Variants in IL1RAPL2 observed in about 807,000 individuals in gnomAD.
IL1RAPL2 encodes X-linked interleukin-1 receptor accessory protein-like 2.
Under a neutral mutation model 44.1 loss-of-function variants are expected in IL1RAPL2, and 3 were observed. The observed-to-expected ratio is 0.07, with a 90% CI of 0.03 to 0.18. IL1RAPL2 has a LOEUF of 0.18. Ranked by LOEUF, IL1RAPL2 falls within the 10% of genes least tolerant of loss-of-function variation. IL1RAPL2 has a pLI of 1.00. For missense variants in IL1RAPL2, 391 were observed against 496.4 expected (o/e 0.79, Z 2.02); for synonymous variants, 181 against 178.8 (o/e 1.01, Z -0.10).
chrX:105,321,159 A>G (rs1200353427), intron 5 of IL1RAPL2, among the ~76,000 whole-genome samples: 1 of 111,571 alleles, frequency 9.0e-6, no homozygotes, highest in Non-Finnish European at 1.9e-5. Context: ...GAAGAATCAG[A>G]GGTATACATT....
intron 2 of IL1RAPL2, among the ~76,000 whole-genome samples, chrX:104,817,743 T>C (rs2147621808): frequency 8.9e-6 from 1 of 111,940 alleles, no homozygotes; most frequent in South Asian, 3.8e-4. Flanking sequence ...AAAGCCTTGG[T>C]ATGAAGATTA....
At chrX:104,592,888 T>C (rs1473753402) in intron 1 of IL1RAPL2, among the ~76,000 whole-genome samples, 1 of 111,714 alleles carries the variant, frequency 9.0e-6, no homozygotes, top group Admixed American at 9.6e-5. Context: ...TCTAGGATTA[T>C]GTAGAGAGGA....
At chrX:105,325,311 G>T (rs946504326) in intron 5 of IL1RAPL2, among the ~76,000 whole-genome samples, 2 of 109,849 alleles carry the variant, frequency 1.8e-5, no homozygotes, top group Admixed American at 9.8e-5. Flanking sequence ...GTTCTTTTGT[G>T]CCTGGCTTCT....
At chrX:104,626,114 A>G in intron 1 of IL1RAPL2, among the ~76,000 whole-genome samples, 2 of 111,199 alleles carry the variant, frequency 1.8e-5, no homozygotes. Flanking sequence ...CATGCTTACT[A>G]TAATTATGAT....
intron 1 of IL1RAPL2, among the ~76,000 whole-genome samples, chrX:104,655,723 C>G (rs748686943): frequency 9.0e-6 from 1 of 111,566 alleles, no homozygotes; most frequent in Non-Finnish European, 1.9e-5. Flanking sequence ...TTTTCTATTG[C>G]TAGGAACAGT....
chrX:104,841,237 T>A (rs1307286042), intron 2 of IL1RAPL2, among the ~76,000 whole-genome samples: 2 of 111,932 alleles, frequency 1.8e-5, no homozygotes, highest in African/African-American at 6.5e-5. Flanking sequence ...TTCCATTTGC[T>A]TGGTAAATAT....
At chrX:105,546,374 A>G (rs1387869810) in intron 6 of IL1RAPL2, among the ~76,000 whole-genome samples, 1 of 111,783 alleles carries the variant, frequency 8.9e-6, no homozygotes, top group African/African-American at 3.3e-5. Flanking sequence ...CGAGAATTCC[A>G]TATTTATTTA....
chrX:105,063,136 G>A (rs1399785893), intron 2 of IL1RAPL2, among the ~76,000 whole-genome samples: 3 of 110,429 alleles, frequency 2.7e-5, no homozygotes, highest in Non-Finnish European at 3.8e-5. Context: ...TTCTTTTTCC[G>A]TTTGTCTCCT....
intron 6 of IL1RAPL2, among the ~76,000 whole-genome samples, chrX:105,573,355 G>A (rs1334469542): frequency 9.0e-6 from 1 of 111,689 alleles, no homozygotes; most frequent in Admixed American, 9.5e-5. Context: ...CACTGTACCT[G>A]ACTGGAGGGT....
chrX:104,946,359 G>A lies in IL1RAPL2; in HGVS notation c.83-249116G>A, dbSNP rs1477148905. 7.1e-3 allele frequency among the ~76,000 whole-genome samples: 317 copies of A among 44,432 alleles called. 3 individuals carry two copies. Among genetic ancestry groups the A allele is most frequent in the African/African-American group, 0.023 (255 of 11,026 alleles). The allele number at this position is 44,432 out of a possible 115,157, so 38.6% of individuals were successfully genotyped here. Reference sequence around the variant, plus strand: ...CTGCAGTCCGCAGTCTGGCCTGGGCGACAGAGCAAGACTCCGTCTCAAAAA... The same window carrying A: ...CTGCAGTCCGCAGTCTGGCCTGGGCAACAGAGCAAGACTCCGTCTCAAAAA... On this transcript the variant is annotated intron_variant, in intron 2 of 10. Transcript: ENST00000372582.
intron 1 of IL1RAPL2, among the ~76,000 whole-genome samples, chrX:104,632,323 G>A (rs1223818065): frequency 1.8e-5 from 2 of 111,131 alleles, no homozygotes; most frequent in African/African-American, 6.5e-5. Context: ...TTGGCGATGC[G>A]GGCTCTTTTT....
rs1441535933 is a variant in IL1RAPL2 at position 104,750,270 on chromosome X, ATTCAGCCTT to A, written c.82+91278_82+91286del. Among the ~76,000 whole-genome samples, 3 of 111,504 alleles carry A rather than the reference ATTCAGCCTT, an allele frequency of 2.7e-5. No homozygotes were observed. The East Asian group carries it at 8.5e-4, about 32-fold the overall frequency. On this transcript the variant is annotated intron_variant, in intron 2 of 10. Coordinates refer to ENST00000372582, the MANE Select transcript of IL1RAPL2 (RefSeq NM_017416.2). ...GGGATAGATGTTATTAATGGTCACC[ATTCAGCCTT>A]TTATTTGCAATGAAGCCAAAGGGCA...
intron 2 of IL1RAPL2, among the ~76,000 whole-genome samples, chrX:104,793,886 G>C (rs1449752910): frequency 9.0e-6 from 1 of 111,045 alleles, no homozygotes; most frequent in Non-Finnish European, 1.9e-5. Flanking sequence ...TGGTGTTCTT[G>C]GCCACCCCTC....
intron 6 of IL1RAPL2, among the ~76,000 whole-genome samples, chrX:105,530,378 A>C (rs1375992056): frequency 9.0e-6 from 1 of 111,295 alleles, no homozygotes; most frequent in Non-Finnish European, 1.9e-5. Context: ...TCTTTGTAGA[A>C]ATATCTATTC....
chrX:105,498,822 C>T (rs369882323), intron 6 of IL1RAPL2, among the ~76,000 whole-genome samples: 23 of 111,656 alleles, frequency 2.1e-4, no homozygotes, highest in South Asian at 7.6e-4. Context: ...CAAGGGTCCC[C>T]GATCCCTGGG....
intron 2 of IL1RAPL2, among the ~76,000 whole-genome samples, chrX:104,762,189 G>A (rs1932472526): frequency 1.8e-5 from 2 of 109,657 alleles, no homozygotes; most frequent in African/African-American, 6.6e-5. Context: ...AGTGGTGACA[G>A]GGTTTTGCTG....
chrX:104,628,423 C>T (rs1177429097), intron 1 of IL1RAPL2, among the ~76,000 whole-genome samples: 1 of 111,341 alleles, frequency 9.0e-6, no homozygotes, highest in Admixed American at 9.6e-5. Context: ...TTAACTTCCA[C>T]ATATGAGTGA....
chrX:104,725,091 G>T (rs1023140287), intron 2 of IL1RAPL2, among the ~76,000 whole-genome samples: 2 of 111,124 alleles, frequency 1.8e-5, no homozygotes, highest in Non-Finnish European at 3.8e-5. Flanking sequence ...ATGTCCATGT[G>T]TTCTCATTGT....
At chrX:105,179,687 C>G (rs1602994562) in intron 2 of IL1RAPL2, among the ~76,000 whole-genome samples, 1 of 108,823 alleles carries the variant, frequency 9.2e-6, no homozygotes, top group East Asian at 2.8e-4. Flanking sequence ...TTACAGTTTT[C>G]CTTGTAGAGA....
Sources: gnomAD v4.1 joint callset for allele counts (sites outside exome capture counted in the v4.1 genomes callset) on GRCh38, gnomAD v4.1.1 for gene constraint, MANE v1.5 for transcripts, NCBI Gene and HGNC (gene_info 2026-07-23, HGNC 2026-07-21) for gene names.